The following TMEFF2 variants were observed in gnomAD, a reference collection of about 807,000 sequenced individuals.
The protein encoded by TMEFF2 is tomoregulin-2.
A neutral mutation model predicts 53.8 loss-of-function variants in TMEFF2; 28 were observed. The ratio of observed to expected loss-of-function variants is 0.52; its 90% CI spans 0.39 to 0.71. The LOEUF (loss-of-function observed/expected upper bound fraction) is 0.71. Ranked by LOEUF, TMEFF2 falls within the 30% of genes least tolerant of loss-of-function variation. The probability of loss-of-function intolerance (pLI) is 0.00; values close to 1 mark genes in which losing one functional copy is unlikely to be tolerated. For missense variants in TMEFF2, 353 were observed against 455.2 expected (o/e 0.78, Z 2.04); for synonymous variants, 162 against 166.3 (o/e 0.97, Z 0.20).
intron 4 of TMEFF2, among the ~76,000 whole-genome samples, chr2:192,157,246 T>A (rs988639626): frequency 1.3e-5 from 2 of 152,080 alleles, no homozygotes; most frequent in African/African-American, 4.8e-5. Flanking sequence ...GTATAAACTA[T>A]TAACTTTGTT....
At chr2:192,177,758 C>T (rs746140821) in intron 4 of TMEFF2, 3 of 150,910 alleles carry the variant, frequency 2.0e-5, no homozygotes, top group Non-Finnish European at 4.5e-5. Flanking sequence ...ATAAGTTATA[C>T]ATGTCATATT....
intron 4 of TMEFF2, among the ~76,000 whole-genome samples, chr2:192,092,105 C>T (rs73982386): frequency 0.019 from 2,910 of 152,172 alleles, 97 homozygotes; most frequent in African/African-American, 0.066. Flanking sequence ...AATAATATTT[C>T]CAGAAGACTG....
intron 7 of TMEFF2, among the ~76,000 whole-genome samples, chr2:191,995,284 T>G (rs1686196990): frequency 6.6e-6 from 1 of 151,994 alleles, no homozygotes; most frequent in South Asian, 2.1e-4. Context: ...GTTCCTGTAT[T>G]AATAGCTCTT....
At chr2:192,143,960 A>G (rs1690194207) in intron 4 of TMEFF2, among the ~76,000 whole-genome samples, 1 of 152,102 alleles carries the variant, frequency 6.6e-6, no homozygotes, top group Non-Finnish European at 1.5e-5. Flanking sequence ...CCATTTAACC[A>G]TTTATTAGCT....
intron 3 of TMEFF2, among the ~76,000 whole-genome samples, chr2:192,182,453 A>G (rs998579881): frequency 2.6e-5 from 4 of 151,994 alleles, no homozygotes; most frequent in Non-Finnish European, 5.9e-5. Flanking sequence ...TAAGTATGTG[A>G]ATGAGCTAAA....
At chr2:192,085,803 C>T (rs550666627) in intron 4 of TMEFF2, among the ~76,000 whole-genome samples, 28 of 151,968 alleles carry the variant, frequency 1.8e-4, no homozygotes, top group Admixed American at 7.2e-4. Flanking sequence ...AATCTGATCA[C>T]GAAGCTCTTA....
At chr2:192,138,314 A>G (rs1690059072) in intron 4 of TMEFF2, among the ~76,000 whole-genome samples, 1 of 152,232 alleles carries the variant, frequency 6.6e-6, no homozygotes, top group Non-Finnish European at 1.5e-5. Flanking sequence ...ATCGGTACAG[A>G]TATCTGAGCC....
chr2:191,993,811 G>A (rs1039153738), intron 7 of TMEFF2, among the ~76,000 whole-genome samples: 4 of 152,028 alleles, frequency 2.6e-5, no homozygotes, highest in African/African-American at 9.7e-5. Flanking sequence ...CAGCCATACG[G>A]AGAGCCTCTT....
chr2:192,182,550 A>G (rs1212149573), intron 3 of TMEFF2, among the ~76,000 whole-genome samples: 2 of 151,972 alleles, frequency 1.3e-5, no homozygotes, highest in Non-Finnish European at 2.9e-5. Context: ...ACTAGAATGG[A>G]AAGACTTGAA....
chr2:192,047,821 C>G (rs1201773991), intron 5 of TMEFF2, among the ~76,000 whole-genome samples: 1 of 152,106 alleles, frequency 6.6e-6, no homozygotes, highest in South Asian at 2.1e-4. Context: ...CTGGAACAGA[C>G]TGATGTTGGC....
chr2:192,128,317 T>C (rs1012083306), intron 4 of TMEFF2, among the ~76,000 whole-genome samples: 1 of 152,258 alleles, frequency 6.6e-6, no homozygotes, highest in Non-Finnish European at 1.5e-5. Flanking sequence ...ATTAGTCGAA[T>C]ATAAGAATAT....
intron 7 of TMEFF2, among the ~76,000 whole-genome samples, chr2:191,958,946 T>G (rs997287644): frequency 1.3e-5 from 2 of 152,210 alleles, no homozygotes; most frequent in African/African-American, 4.8e-5. Context: ...AGACATATTT[T>G]AGAAACAAGA....
intron 4 of TMEFF2, among the ~76,000 whole-genome samples, chr2:192,066,040 A>C (rs1352342941): frequency 2.0e-5 from 3 of 151,748 alleles, no homozygotes; most frequent in African/African-American, 7.2e-5. Context: ...ATTTTCTTTA[A>C]CATTTTCTAA....
intron 9 of TMEFF2, among the ~76,000 whole-genome samples, chr2:191,951,147 GTGGGTTTATGTGTA>G (rs1691865224): frequency 6.7e-6 from 1 of 150,334 alleles, no homozygotes; most frequent in Non-Finnish European, 1.5e-5. Context: ...GTGTGTATAT[GTGGGTTTATGTGTA>G]TGTATGTGTG....
intron 4 of TMEFF2, among the ~76,000 whole-genome samples, chr2:192,144,588 T>G (rs1690208138): frequency 6.6e-6 from 1 of 152,112 alleles, no homozygotes; most frequent in African/African-American, 2.4e-5. Flanking sequence ...TTGGCTAAAT[T>G]AATGTGTGTG....
chr2:192,056,256 A>G (rs1574332965), intron 5 of TMEFF2, among the ~76,000 whole-genome samples: 1 of 152,104 alleles, frequency 6.6e-6, no homozygotes, highest in African/African-American at 2.4e-5. Context: ...GGGGTGAGGT[A>G]TATGTAAAAA....
At chr2:192,046,238 C>T (rs1244438647) in intron 5 of TMEFF2, among the ~76,000 whole-genome samples, 2 of 152,046 alleles carry the variant, frequency 1.3e-5, no homozygotes, top group African/African-American at 4.8e-5. Flanking sequence ...GTGGCATGCA[C>T]CTGTAGTCCC....
chr2:192,055,474 T>C (rs1293397596), intron 5 of TMEFF2, among the ~76,000 whole-genome samples: 1 of 152,082 alleles, frequency 6.6e-6, no homozygotes, highest in Non-Finnish European at 1.5e-5. Context: ...GGATGTTTTT[T>C]AAAAACCATA....
intron 8 of TMEFF2, among the ~76,000 whole-genome samples, chr2:191,954,547 G>A (rs958551375): frequency 6.6e-6 from 1 of 152,054 alleles, no homozygotes; most frequent in Non-Finnish European, 1.5e-5. Context: ...ATGTGTTTCT[G>A]ATGACATGGG....
Sources: gnomAD v4.1 joint callset for allele counts (sites outside exome capture counted in the v4.1 genomes callset) on GRCh38, gnomAD v4.1.1 for gene constraint, MANE v1.5 for transcripts, NCBI Gene and HGNC (gene_info 2026-07-23, HGNC 2026-07-21) for gene names.